Variants in SCHIP1 observed in about 807,000 individuals in gnomAD.
The protein encoded by SCHIP1 is schwannomin-interacting protein 1.
Under a neutral mutation model 29.7 loss-of-function variants are expected in SCHIP1, and 8 were observed. The observed-to-expected ratio is 0.27, with a 90% CI of 0.16 to 0.49. The LOEUF is 0.49. Among genes scored for constraint, SCHIP1 ranks in the 20% least tolerant of loss-of-function variants. The probability of loss-of-function intolerance (pLI) is 0.99; values close to 1 mark genes in which losing one functional copy is unlikely to be tolerated. For missense variants in SCHIP1, 193 were observed against 294.6 expected, an observed-to-expected ratio of 0.66 and a Z score of 2.52; for synonymous variants, 76 against 94.9, an observed-to-expected ratio of 0.80 and a Z score of 1.16.
chr3:159,634,603 T>C, the SCHIP1 span, among the ~76,000 whole-genome samples: 2 of 152,334 alleles, frequency 1.3e-5, 1 homozygote, highest in South Asian at 4.1e-4. Context: ...GCAAATTACT[T>C]ATTTTTCTGA....
chr3:159,528,347 G>A, the SCHIP1 span, among the ~76,000 whole-genome samples: 1 of 152,182 alleles, frequency 6.6e-6, no homozygotes, highest in African/African-American at 2.4e-5. Flanking sequence ...GTAACAGCCA[G>A]TAGCCTTCCA....
the SCHIP1 span, among the ~76,000 whole-genome samples, chr3:159,360,272 T>C: frequency 6.6e-6 from 1 of 152,170 alleles, no homozygotes; most frequent in East Asian, 1.9e-4. Flanking sequence ...TTTTAAAAAT[T>C]TGTATTTAGT....
chr3:159,531,593 G>T, the SCHIP1 span, among the ~76,000 whole-genome samples: 1 of 152,142 alleles, frequency 6.6e-6, no homozygotes, highest in Non-Finnish European at 1.5e-5. Flanking sequence ...AAATGATCAA[G>T]AAAATTAATC....
chr3:159,484,694 C>T, the SCHIP1 span, among the ~76,000 whole-genome samples: 1 of 152,110 alleles, frequency 6.6e-6, no homozygotes, highest in Non-Finnish European at 1.5e-5. Flanking sequence ...AAAAAACCTG[C>T]ATAAACAGTT....
At chr3:159,682,101 G>C in the SCHIP1 span, among the ~76,000 whole-genome samples, 1 of 152,192 alleles carries the variant, frequency 6.6e-6, no homozygotes, top group Non-Finnish European at 1.5e-5. Flanking sequence ...GTCCTCAAAT[G>C]TATTTGGGGA....
the SCHIP1 span, among the ~76,000 whole-genome samples, chr3:159,744,625 C>T: frequency 4.2e-3 from 633 of 152,242 alleles, 10 homozygotes; most frequent in Admixed American, 0.026. Flanking sequence ...TGGAAGCTGG[C>T]ATTCTAATAG....
the SCHIP1 span, among the ~76,000 whole-genome samples, chr3:159,694,445 T>C: frequency 6.6e-6 from 1 of 151,420 alleles, no homozygotes; most frequent in Admixed American, 6.6e-5. Context: ...ACTTCAACTG[T>C]GAGACGGAGG....
chr3:159,489,082 T>C, the SCHIP1 span, among the ~76,000 whole-genome samples: 1 of 152,250 alleles, frequency 6.6e-6, no homozygotes, highest in South Asian at 2.1e-4. Context: ...GCCATAGCAC[T>C]GATTAATTTC....
the SCHIP1 span, among the ~76,000 whole-genome samples, chr3:159,698,970 T>G: frequency 6.6e-6 from 1 of 152,294 alleles, no homozygotes; most frequent in African/African-American, 2.4e-5. Context: ...CTAAGACCAC[T>G]TCTAGCTCTA....
chr3:159,462,355 A>T, the SCHIP1 span, among the ~76,000 whole-genome samples: 2 of 151,924 alleles, frequency 1.3e-5, no homozygotes, highest in African/African-American at 4.8e-5. Flanking sequence ...GACCGAAGAG[A>T]TCTCCCCAAC....
At chr3:159,613,612 C>T in the SCHIP1 span, among the ~76,000 whole-genome samples, 1 of 152,090 alleles carries the variant, frequency 6.6e-6, no homozygotes, top group Non-Finnish European at 1.5e-5. Context: ...CCTGACAGCC[C>T]ATAGCAAAAT....
At chr3:159,847,192 A>G (rs1711960381) in intron 1 of SCHIP1, among the ~76,000 whole-genome samples, 2 of 152,194 alleles carry the variant, frequency 1.3e-5, no homozygotes, top group Admixed American at 6.5e-5. Context: ...CTCTATGGAA[A>G]ATATCACATT....
At chr3:159,840,292 T>C (rs1181962322) in intron 1 of SCHIP1, 1 of 1,262,010 alleles carries the variant, frequency 7.9e-7, no homozygotes, top group Non-Finnish European at 1.1e-6. Flanking sequence ...GCAGGTTGCC[T>C]CTTTCCGGAT....
chr3:159,399,643 C>G, the SCHIP1 span, among the ~76,000 whole-genome samples: 2 of 152,090 alleles, frequency 1.3e-5, no homozygotes, highest in Admixed American at 1.3e-4. Context: ...TAGTGATTCT[C>G]AAATTTAGAC....
At chr3:159,304,070 A>C in the SCHIP1 span, among the ~76,000 whole-genome samples, 1 of 135,054 alleles carries the variant, frequency 7.4e-6, no homozygotes, top group Admixed American at 8.7e-5. Context: ...TGTCCATGTG[A>C]TCTCATTGTT....
At chr3:159,529,453 C>T in the SCHIP1 span, among the ~76,000 whole-genome samples, 1 of 151,822 alleles carries the variant, frequency 6.6e-6, no homozygotes, top group Non-Finnish European at 1.5e-5. Flanking sequence ...TACATGTTCC[C>T]TTTTTTTTAT....
At chr3:159,339,865 C>G in the SCHIP1 span, among the ~76,000 whole-genome samples, 1 of 152,028 alleles carries the variant, frequency 6.6e-6, no homozygotes, top group African/African-American at 2.4e-5. Flanking sequence ...AGATATAGCT[C>G]TCATCCACTC....
At chr3:159,727,427 C>A in the SCHIP1 span, among the ~76,000 whole-genome samples, 1 of 152,154 alleles carries the variant, frequency 6.6e-6, no homozygotes, top group East Asian at 1.9e-4. Context: ...TTCTGAAGAG[C>A]CCAGCATGTT....
the SCHIP1 span, chr3:159,401,067 G>T: frequency 7.8e-6 from 3 of 385,644 alleles, no homozygotes; most frequent in South Asian, 3.3e-4. Flanking sequence ...AGGACTAAAT[G>T]AATGCAAGTG....
Sources: allele counts gnomAD v4.1 joint callset (sites outside exome capture counted in the v4.1 genomes callset), GRCh38; gene constraint gnomAD v4.1.1; transcripts MANE v1.5; gene names NCBI Gene and HGNC (gene_info 2026-07-23, HGNC 2026-07-21).